BNC2: variants seen among roughly 807,000 people sequenced by gnomAD.
The protein encoded by BNC2 is basonuclin zinc finger protein 2, also known as zinc finger protein basonuclin-2.
A neutral mutation model predicts 76.3 loss-of-function variants in BNC2; 20 were observed. The observed-to-expected ratio is 0.26, with a 90% CI of 0.18 to 0.38. The LOEUF (loss-of-function observed/expected upper bound fraction) is 0.38, where lower values mean the gene tolerates loss of function less well. Among genes scored for constraint, BNC2 ranks in the 10% least tolerant of loss-of-function variants. BNC2 has a pLI of 1.00. For synonymous variants in BNC2, 582 were observed against 514.8 expected (o/e 1.13, Z -1.77); for missense variants, 1,382 against 1,399.8 (o/e 0.99, Z 0.20).
intron 3 of BNC2, chr9:16,665,015 G>T (rs1403787521): frequency 2.2e-6 from 1 of 455,528 alleles, no homozygotes; most frequent in Admixed American, 2.4e-5. Flanking sequence ...AGATATCACA[G>T]CAACTATCCT....
At chr9:16,629,193 C>T (rs1204204818) in intron 3 of BNC2, among the ~76,000 whole-genome samples, 1 of 152,164 alleles carries the variant, frequency 6.6e-6, no homozygotes, top group Non-Finnish European at 1.5e-5. Flanking sequence ...TAGCCAAACA[C>T]ATTACTCTAA....
chr9:16,718,245 T>C (rs1417549687), intron 3 of BNC2, among the ~76,000 whole-genome samples: 1 of 152,230 alleles, frequency 6.6e-6, no homozygotes, highest in African/African-American at 2.4e-5. Flanking sequence ...ACATCTCACC[T>C]GTATGAGGCC....
chr9:16,505,999 G>A (rs1207553086), intron 5 of BNC2, among the ~76,000 whole-genome samples: 1 of 152,134 alleles, frequency 6.6e-6, no homozygotes, highest in Non-Finnish European at 1.5e-5. Flanking sequence ...CTTTCTGGAA[G>A]CTCTTTTCAC....
chr9:16,516,044 C>G (rs934160586), intron 5 of BNC2, among the ~76,000 whole-genome samples: 1 of 152,020 alleles, frequency 6.6e-6, no homozygotes, highest in Non-Finnish European at 1.5e-5. Flanking sequence ...GTAGCTGATT[C>G]AAGGGAAAAT....
chr9:16,829,465 C>A (rs1396761644), intron 1 of BNC2, among the ~76,000 whole-genome samples: 1 of 152,108 alleles, frequency 6.6e-6, no homozygotes. Context: ...CGCAGACTTT[C>A]ACAAGTTGGA....
chr9:16,435,322 T>C (rs556485822), intron 6 of BNC2, among the ~76,000 whole-genome samples: 10 of 152,046 alleles, frequency 6.6e-5, no homozygotes, highest in Admixed American at 1.3e-4. Flanking sequence ...CAGAGAAAAA[T>C]GGCGTGCATT....
intron 1 of BNC2, 43 bp downstream of exon 1, chr9:16,870,603 G>A (rs938528791): frequency 1.2e-6 from 2 of 1,606,482 alleles, no homozygotes; most frequent in South Asian, 1.1e-5. Context: ...TCATTTCTGA[G>A]GAAGTCTAGA....
At position 16,469,993 on chromosome 9, in the gene BNC2, T is replaced by C. The variant is rs1233689630; in HGVS notation, c.670-32469A>G. On this transcript the variant is annotated intron_variant, in intron 5 of 6. Transcript: ENST00000380672. ...CACTTGCATGCTGCTAATGGCATTC[T>C]TTTTTTTTTTTTTTTTTTTTTTGAG... 7.1e-5 allele frequency among the ~76,000 whole-genome samples: 3 copies of C among 42,546 alleles called. No individual in the cohort carries two copies. The East Asian group carries it at 2.6e-3, about 37-fold the overall frequency. 27.9% of individuals were successfully genotyped at this position (42,546 alleles called of 152,430 possible). A position where few individuals can be genotyped will look rare whatever the true frequency, so the allele number is the denominator to read the frequency against.
intron 1 of BNC2, among the ~76,000 whole-genome samples, chr9:16,780,032 C>T (rs773825772): frequency 1.1e-4 from 16 of 150,680 alleles, no homozygotes; most frequent in South Asian, 2.1e-4. Flanking sequence ...GTCAGCAGAT[C>T]GAGACCATCC....
intron 5 of BNC2, among the ~76,000 whole-genome samples, chr9:16,478,025 A>G (rs952516010): frequency 2.0e-5 from 3 of 152,198 alleles, no homozygotes; most frequent in African/African-American, 7.2e-5. Context: ...TGACAGGAGT[A>G]GTCAGGCAGG....
At chr9:16,508,102 C>T (rs1259291725) in intron 5 of BNC2, among the ~76,000 whole-genome samples, 1 of 152,206 alleles carries the variant, frequency 6.6e-6, no homozygotes, top group Non-Finnish European at 1.5e-5. Flanking sequence ...AGAGATAAAA[C>T]AGGTAACAAC....
chr9:16,834,911 A>C (rs1333293369), intron 1 of BNC2, among the ~76,000 whole-genome samples: 1 of 152,150 alleles, frequency 6.6e-6, no homozygotes, highest in Non-Finnish European at 1.5e-5. Context: ...ATACATCTTC[A>C]GCAGTCTCCC....
intron 5 of BNC2, among the ~76,000 whole-genome samples, chr9:16,530,049 T>C (rs906876833): frequency 6.6e-6 from 1 of 152,076 alleles, no homozygotes; most frequent in Non-Finnish European, 1.5e-5. Flanking sequence ...GGTTTCACTT[T>C]CATCATGTTG....
intron 3 of BNC2, among the ~76,000 whole-genome samples, chr9:16,668,690 G>A (rs1031045081): frequency 1.4e-4 from 21 of 152,134 alleles, no homozygotes; most frequent in African/African-American, 4.8e-4. Context: ...TGTATAATTT[G>A]GGTCTGCTGT....
At chr9:16,729,994 C>T (rs1824461003) in intron 2 of BNC2, among the ~76,000 whole-genome samples, 1 of 151,980 alleles carries the variant, frequency 6.6e-6, no homozygotes, top group Non-Finnish European at 1.5e-5. Context: ...TCGCCCTCTC[C>T]TTGTCTCTTT....
At chr9:16,502,291 C>G (rs188636747) in intron 5 of BNC2, among the ~76,000 whole-genome samples, 2 of 152,074 alleles carry the variant, frequency 1.3e-5, no homozygotes, top group Non-Finnish European at 2.9e-5. Flanking sequence ...AAGGTCACAG[C>G]GAGCTATGGT....
At chr9:16,453,717 T>C (rs975587972) in intron 5 of BNC2, among the ~76,000 whole-genome samples, 1 of 152,172 alleles carries the variant, frequency 6.6e-6, no homozygotes, top group African/African-American at 2.4e-5. Flanking sequence ...CATATTCAGC[T>C]GAGGCAGGAG....
At chr9:16,847,574 A>C (rs1181238163) in intron 1 of BNC2, among the ~76,000 whole-genome samples, 2 of 152,210 alleles carry the variant, frequency 1.3e-5, no homozygotes, top group Non-Finnish European at 2.9e-5. Flanking sequence ...GGAATAGAAC[A>C]TTAAATTCTA....
chr9:16,863,103 C>T (rs573668896), intron 1 of BNC2, among the ~76,000 whole-genome samples: 222 of 151,728 alleles, frequency 1.5e-3, no homozygotes, highest in Non-Finnish European at 1.3e-3. Flanking sequence ...TTAGTAAAGA[C>T]GGGGTTTCAC....
Sources: gnomAD v4.1 joint callset for allele counts (sites outside exome capture counted in the v4.1 genomes callset) on GRCh38, gnomAD v4.1.1 for gene constraint, MANE v1.5 for transcripts, NCBI Gene and HGNC (gene_info 2026-07-23, HGNC 2026-07-21) for gene names.